SCMH1: variants seen among roughly 807,000 people sequenced by gnomAD.
The protein encoded by SCMH1 is Scm polycomb group protein homolog 1.
A neutral mutation model predicts 70.8 loss-of-function variants in SCMH1; 37 were observed. The ratio of observed to expected loss-of-function variants is 0.52; its 90% CI spans 0.40 to 0.69. The LOEUF is 0.69. Among genes scored for constraint, SCMH1 ranks in the 30% least tolerant of loss-of-function variants. The pLI is 0.00. For missense variants in SCMH1, 607 were observed against 827.3 expected (o/e 0.73, Z 3.27); for synonymous variants, 292 against 307.4 (o/e 0.95, Z 0.52).
intron 8 of SCMH1, among the ~76,000 whole-genome samples, chr1:41,112,304 G>A (rs1399926939): frequency 6.6e-6 from 1 of 152,062 alleles, no homozygotes; most frequent in Admixed American, 6.6e-5. Context: ...ATTCAACAGA[G>A]GTTTAGAAAA....
intron 8 of SCMH1, among the ~76,000 whole-genome samples, chr1:41,094,323 A>G (rs184529708): frequency 2.3e-3 from 350 of 152,284 alleles, no homozygotes; most frequent in Non-Finnish European, 3.6e-3. Flanking sequence ...ATTTGTGTCA[A>G]GGTGCCAGCA....
intron 10 of SCMH1, among the ~76,000 whole-genome samples, chr1:41,068,617 G>A (rs1468415824): frequency 1.3e-5 from 2 of 152,118 alleles, no homozygotes; most frequent in Non-Finnish European, 2.9e-5. Context: ...TGTTGATCAG[G>A]CTGGTCTTGA....
intron 1 of SCMH1, among the ~76,000 whole-genome samples, chr1:41,226,218 AT>A (rs1165516696): frequency 6.6e-6 from 1 of 152,182 alleles, no homozygotes; most frequent in Non-Finnish European, 1.5e-5. Flanking sequence ...CTAGTAATTC[AT>A]TTTTATTACA....
In SCMH1 at chr1:41,040,778, C is replaced by T. The variant is rs563817618; in HGVS notation, c.1499-3237G>A. On this transcript the variant is annotated intron_variant, in intron 12 of 14. Coordinates refer to ENST00000337495, the Ensembl canonical transcript of SCMH1. Reference sequence around the variant, plus strand: ...ACTCGGGAGGCTGAGGTAGGAGAATCGCTTGAACCCGGGAGGTGGAGGTTG... The same window carrying T: ...ACTCGGGAGGCTGAGGTAGGAGAATTGCTTGAACCCGGGAGGTGGAGGTTG... Among the ~76,000 whole-genome samples, 22 of 152,174 alleles carry T rather than the reference C, an allele frequency of 1.4e-4. No homozygotes were observed. The East Asian group carries it at 2.7e-3, about 19-fold the overall frequency.
At chr1:41,116,799 A>C in intron 7 of SCMH1, 123 bp downstream of exon 7, 1 of 630,356 alleles carries the variant, frequency 1.6e-6, no homozygotes, top group Non-Finnish European at 2.6e-6. Context: ...ATAAGCTACT[A>C]AAAAATCCTT....
chr1:41,071,512 G>C (rs1656484920), intron 9 of SCMH1, among the ~76,000 whole-genome samples: 1 of 152,052 alleles, frequency 6.6e-6, no homozygotes, highest in South Asian at 2.1e-4. Context: ...CATAAAATAA[G>C]TGTAAATAAA....
At chr1:41,144,848 C>T (rs942000007) in intron 5 of SCMH1, among the ~76,000 whole-genome samples, 1 of 152,110 alleles carries the variant, frequency 6.6e-6, no homozygotes, top group African/African-American at 2.4e-5. Flanking sequence ...TCTCTAATGA[C>T]TACTGAGTAT....
chr1:41,070,692 T>TGG lies in SCMH1; in HGVS notation c.1006_1007dup (p.Pro337HisfsTer38). ...GAGTGCTGGTTGTTGGTGAGGCAGG[T>TGG]GGTGGGTTCAGCAAAGTCCGAGGTT... On this transcript the variant is annotated frameshift_variant, in exon 10 of 15. Transcript: ENST00000337495. LOFTEE classifies it high-confidence loss of function. 1 of 1,614,066 alleles carries TGG rather than the reference T, an allele frequency of 6.2e-7. No individual in the cohort carries two copies. Among genetic ancestry groups the TGG allele is most frequent in the African/African-American group, 1.3e-5 (1 of 75,014 alleles).
intron 10 of SCMH1, among the ~76,000 whole-genome samples, chr1:41,055,857 C>G (rs377693164): frequency 1.1e-4 from 17 of 152,246 alleles, no homozygotes; most frequent in African/African-American, 4.1e-4. Flanking sequence ...GTACTGGGAC[C>G]TGATTTAGAT....
At chr1:41,098,917 C>T in intron 8 of SCMH1, 1 of 245,902 alleles carries the variant, frequency 4.1e-6, no homozygotes, top group South Asian at 6.2e-5. Flanking sequence ...TTAAGTCCCT[C>T]CTGACCACTG....
Position 41,113,247 on chromosome 1 carries a change from G to A in SCMH1, c.745+36C>T. 1.9e-6 allele frequency: 3 copies of A among 1,600,552 alleles called. No individual in the cohort carries two copies. In the South Asian group the frequency reaches 3.4e-5, roughly 18 times the overall value. On this transcript the variant is annotated intron_variant, in intron 8 of 14. Coordinates refer to ENST00000337495, the Ensembl canonical transcript of SCMH1. This position sits in a 1 kb window ranked among gnomAD's most constrained non-coding sequence, Gnocchi z 4.3. ...CCTGGGTAGTCTCCCTTATCATCTG[G>A]GTCCTGATTTCAAGAGCACGTAGAT...
exon 9 of SCMH1, chr1:41,075,262 G>C (rs758581293): frequency 6.2e-7 from 1 of 1,614,150 alleles, no homozygotes. Context: ...GAATTTCAAA[G>C]GTTCAGCTGT....
chr1:41,184,043 T>C (rs888352945), intron 2 of SCMH1, among the ~76,000 whole-genome samples: 1 of 152,184 alleles, frequency 6.6e-6, no homozygotes, highest in African/African-American at 2.4e-5. Flanking sequence ...ACAATGTGAA[T>C]GTCTTTAGTG....
At chr1:41,196,975 T>C (rs1312998010) in intron 1 of SCMH1, among the ~76,000 whole-genome samples, 2 of 151,872 alleles carry the variant, frequency 1.3e-5, no homozygotes, top group Non-Finnish European at 2.9e-5. Context: ...ACTAAAGAAA[T>C]GCAAAAAATA....
intron 9 of SCMH1, among the ~76,000 whole-genome samples, chr1:41,073,618 T>TCATC (rs3831833): frequency 0.35 from 52,438 of 148,590 alleles, 9,615 homozygotes; most frequent in Admixed American, 0.46. Flanking sequence ...ATCACTAAAA[T>TCATC]CATCCATCCA....
At chr1:41,112,154 TA>T in intron 8 of SCMH1, among the ~76,000 whole-genome samples, 1 of 152,330 alleles carries the variant, frequency 6.6e-6, no homozygotes, top group East Asian at 1.9e-4. Flanking sequence ...TTTCTTGATT[TA>T]AATGTTTACC....
chr1:41,032,175 C>T lies in SCMH1; in HGVS notation c.1679-3449G>A, dbSNP rs148227500. On this transcript the variant is annotated intron_variant, in intron 13 of 14. Coordinates refer to ENST00000337495, the Ensembl canonical transcript of SCMH1. ...GAAATAAATTACTGTTTATAAGCCA[C>T]CCAGTTCATGGTACTTTGTTAGAGC... 5.3e-5 allele frequency among the ~76,000 whole-genome samples: 8 copies of T among 152,276 alleles called. No individual in the cohort carries two copies. The East Asian group carries it at 9.6e-4, about 18-fold the overall frequency.
intron 5 of SCMH1, among the ~76,000 whole-genome samples, chr1:41,147,338 G>T (rs1644677014): frequency 6.6e-6 from 1 of 152,088 alleles, no homozygotes; most frequent in South Asian, 2.1e-4. Flanking sequence ...GATCTTAAGG[G>T]GAAAGCATTT....
At chr1:41,105,837 ATCTGAGCTGTAAC>A (rs988185851) in intron 8 of SCMH1, among the ~76,000 whole-genome samples, 2 of 151,090 alleles carry the variant, frequency 1.3e-5, no homozygotes, top group Non-Finnish European at 2.9e-5. Context: ...TAAAACACAA[ATCTGAGCTGTAAC>A]TCTACTACTT....
Sources: gnomAD v4.1 joint callset for allele counts (sites outside exome capture counted in the v4.1 genomes callset) on GRCh38, gnomAD v4.1.1 for gene constraint, Gnocchi (gnomAD v3.1) non-coding constraint, MANE v1.5 for transcripts, NCBI Gene and HGNC (gene_info 2026-07-23, HGNC 2026-07-21) for gene names.